PKHD1L1: variants seen among roughly 807,000 people sequenced by gnomAD.
PKHD1L1 encodes the protein PKHD1 like 1.
In PKHD1L1, 434 loss-of-function variants were observed where a neutral mutation model predicts 462.9. That is an observed-to-expected ratio of 0.94 (90% CI 0.87 to 1.02). PKHD1L1 has a LOEUF of 1.02. Ranked by LOEUF, PKHD1L1 falls within the 50% of genes least tolerant of loss-of-function variation. The pLI is 0.00. For missense variants in PKHD1L1, 5,202 were observed against 5,096.1 expected, an observed-to-expected ratio of 1.02 and a Z score of -0.63; for synonymous variants, 1,781 against 1,750.0, an observed-to-expected ratio of 1.02 and a Z score of -0.44.
rs963022726 is a variant in PKHD1L1 at position 109,442,302 on chromosome 8, C to G, written c.4393+107C>G. ...AGTATTTTTACATAAATAATATACA[C>G]AAATGCGTAAGGTATTTGGCATTTT... On this transcript the variant is annotated intron_variant, in intron 35 of 77. Transcript: ENST00000378402. 1.0e-5 allele frequency: 11 copies of G among 1,054,542 alleles called. No individual in the cohort carries two copies. In the African/African-American group the frequency reaches 1.6e-4, roughly 15 times the overall value. The allele number at this position is 1,054,542 out of a possible 1,614,324, so 65.3% of individuals were successfully genotyped here.
chr8:109,496,844 T>G, intron 63 of PKHD1L1, 75 bp from the exon 64 acceptor site: 1 of 1,447,538 alleles, frequency 6.9e-7, no homozygotes, highest in Non-Finnish European at 9.4e-7. Context: ...TTGTTAACTT[T>G]AACTGATACT....
chr8:109,526,654 G>T, intron 76 of PKHD1L1, 130 bp from the exon 77 acceptor site: 1 of 803,354 alleles, frequency 1.2e-6, no homozygotes, highest in South Asian at 1.9e-5. Context: ...TAATTTATTT[G>T]ACTCAACTTT....
intron 13 of PKHD1L1, among the ~76,000 whole-genome samples, chr8:109,401,139 A>G (rs755217351): frequency 9.2e-5 from 14 of 152,274 alleles, no homozygotes; most frequent in Non-Finnish European, 2.1e-4. Context: ...TAAATCTCTC[A>G]AAGTTCTCCA....
chr8:109,364,889 G>A (rs1371805927), intron 2 of PKHD1L1, among the ~76,000 whole-genome samples: 1 of 151,986 alleles, frequency 6.6e-6, no homozygotes, highest in Non-Finnish European at 1.5e-5. Flanking sequence ...TGAACTAAAA[G>A]GAATGCAATT....
At chr8:109,521,707 C>A (rs1045021373) in intron 73 of PKHD1L1, among the ~76,000 whole-genome samples, 2 of 152,048 alleles carry the variant, frequency 1.3e-5, no homozygotes, top group African/African-American at 4.8e-5. Context: ...GTCAAATGTC[C>A]AAAGCAAGTA....
rs181520404 is a variant in PKHD1L1, at chr8:109,464,546, C to A, written c.7714C>A (p.Arg2572=). 4,274 of 1,613,558 alleles carry A rather than the reference C, an allele frequency of 2.6e-3. 14 individuals are homozygous for A. The highest frequency in any genetic ancestry group is 7.8e-3 in the South Asian group (709 of 91,068). ...GGTCACCAACCCGAACAATACCATA[C>A]GACACAATGCTGTTGCTGGTGGCAC... is the stretch of plus-strand genomic sequence containing the variant. ...FWVTNPNNTI[R]HNAVAGGTHF... The change falls in exon 49 of 78, where the codon CGA becomes AGA. Residue 2572 remains arginine, a synonymous_variant. Coordinates refer to ENST00000378402, the MANE Select transcript of PKHD1L1 (RefSeq NM_177531.6).
At position 109,507,748 on chromosome 8, in the gene PKHD1L1, G is replaced by C; in HGVS notation, c.11080G>C (p.Gly3694Arg). The C allele has an allele frequency of 6.2e-7, 1 of 1,613,416 alleles. No homozygotes were observed. Among genetic ancestry groups the C allele is most frequent in the Non-Finnish European group, 8.5e-7 (1 of 1,179,660 alleles). ...FLRDIDGSFL[G>R]NAGSVIPQAE... ...TAGAGACATAGATGGCTCCTTTCTG[G>C]GGAATGCTGGTTCTGTGATACCTCA... The change falls in exon 69 of 78, where the codon GGG becomes CGG. Residue 3694 changes from glycine (G) to arginine (R), a missense_variant. Physicochemically the swap from Gly to Arg is moderately radical, Grantham distance 125. This residue lies in a region of PKHD1L1 where 698 missense variants were observed against 736.3 expected (regional missense o/e 0.95). Transcript: ENST00000378402.
At chr8:109,481,895 A>G (rs1818292803) in intron 56 of PKHD1L1, among the ~76,000 whole-genome samples, 1 of 151,794 alleles carries the variant, frequency 6.6e-6, no homozygotes, top group African/African-American at 2.4e-5. Flanking sequence ...TTCTTCATAC[A>G]GTTTTCTTTA....
In PKHD1L1 at chr8:109,508,161, G is replaced by T; in HGVS notation, c.11292G>T (p.Met3764Ile). ...PEWQSYQCFGMEYAMMVIESL... is the reference protein window; with the variant it reads ...PEWQSYQCFGIEYAMMVIESL... ...GGCAGAGCTATCAGTGCTTTGGGAT[G>T]GAATATGCAATGATGGTTATTGAAA... The change falls in exon 70 of 78, where the codon ATG (methionine) becomes ATT (isoleucine). Residue 3764 changes from methionine (M) to isoleucine (I), a missense_variant. Met to Ile is a conservative substitution (Grantham distance 10, BLOSUM62 1). This residue lies in a region of PKHD1L1 where 698 missense variants were observed against 736.3 expected (regional missense o/e 0.95). Coordinates refer to ENST00000378402, the MANE Select transcript of PKHD1L1 (RefSeq NM_177531.6). The T allele has an allele frequency of 6.2e-7, 1 of 1,613,006 alleles. No homozygotes were observed. Among genetic ancestry groups the T allele is most frequent in the Non-Finnish European group, 8.5e-7 (1 of 1,179,206 alleles).
chr8:109,369,493 T>C lies in PKHD1L1; in HGVS notation c.163+4857T>C, dbSNP rs12334436. On this transcript the variant is annotated intron_variant, in intron 2 of 77. Coordinates refer to ENST00000378402, the MANE Select transcript of PKHD1L1 (RefSeq NM_177531.6). ...CACATATGCTATATATATTTGACATTATAGTAACTCCTAAGCTGAAAATGA... is the reference window on the plus strand; with the variant it reads ...CACATATGCTATATATATTTGACATCATAGTAACTCCTAAGCTGAAAATGA... Among the ~76,000 whole-genome samples the C allele has an allele frequency of 7.5e-3, 1,139 of 152,260 alleles. 12 individuals carry two copies. Among genetic ancestry groups the C allele is most frequent in the African/African-American group, 0.026 (1,083 of 41,546 alleles).
chr8:109,409,152 A>T (rs1017784953), intron 18 of PKHD1L1, among the ~76,000 whole-genome samples: 1 of 152,172 alleles, frequency 6.6e-6, no homozygotes, highest in East Asian at 1.9e-4. Flanking sequence ...TGATATGGAA[A>T]TTTTAGGAGA....
chr8:109,425,248 T>G lies in PKHD1L1; in HGVS notation c.2845+16T>G. 6.4e-7 allele frequency: 1 copy of G among 1,559,720 alleles called. No homozygotes were observed. The highest frequency in any genetic ancestry group is 1.3e-5 in the South Asian group (1 of 79,518). On this transcript the variant is annotated intron_variant, in intron 24 of 77. Transcript: ENST00000378402. ...ATTCTTAAAGGTATATGAAAAAAAT[T>G]TAAAATATTGGTGTATACGCACACA...
chr8:109,448,477 T>A, intron 39 of PKHD1L1, 86 bp downstream of exon 39: 1 of 1,304,026 alleles, frequency 7.7e-7, no homozygotes, highest in Non-Finnish European at 1.0e-6. Context: ...AATATGTTAC[T>A]CAAACACATA....
chr8:109,522,950 T>G, intron 75 of PKHD1L1, 60 bp downstream of exon 75: 1 of 1,478,622 alleles, frequency 6.8e-7, no homozygotes, highest in Non-Finnish European at 9.0e-7. Context: ...TTCTGAAGGA[T>G]GAGCCAGTTT....
Position 109,362,503 on chromosome 8 carries a change from C to A in PKHD1L1, c.-78C>A, listed in dbSNP as rs1811028700. 3 of 1,390,638 alleles carry A rather than the reference C, an allele frequency of 2.2e-6. No homozygotes were observed. Among genetic ancestry groups the A allele is most frequent in the South Asian group, 1.2e-5 (1 of 80,576 alleles). 86.1% of individuals were successfully genotyped at this position (1,390,638 alleles called of 1,614,324 possible). On this transcript the variant is annotated 5_prime_UTR_variant, in exon 1 of 78. Coordinates refer to ENST00000378402, the MANE Select transcript of PKHD1L1 (RefSeq NM_177531.6). ...GGACGAAGCGGGCCCGCCAGCGAGTCGCAGTCCCAGGAGCCGAGCTCCAGC... is the reference window on the plus strand; with the variant it reads ...GGACGAAGCGGGCCCGCCAGCGAGTAGCAGTCCCAGGAGCCGAGCTCCAGC...
At chr8:109,529,420 TTTAA>T (rs1344816224) in intron 77 of PKHD1L1, among the ~76,000 whole-genome samples, 17 of 151,954 alleles carry the variant, frequency 1.1e-4, no homozygotes, top group African/African-American at 3.9e-4. Context: ...CAAGCATTTC[TTTAA>T]TTAATTTTAT....
At chr8:109,365,117 A>G (rs1811166500) in intron 2 of PKHD1L1, among the ~76,000 whole-genome samples, 2 of 152,204 alleles carry the variant, frequency 1.3e-5, no homozygotes, top group African/African-American at 4.8e-5. Context: ...AGGCATGAGT[A>G]CCGTACATGG....
chr8:109,440,945 C>G, intron 33 of PKHD1L1, 93 bp downstream of exon 33: 1 of 1,404,550 alleles, frequency 7.1e-7, no homozygotes, highest in East Asian at 2.3e-5. Context: ...TATTCTAAAT[C>G]ACAGCTTTAT....
At chr8:109,485,535 G>C (rs10107961) in intron 58 of PKHD1L1, among the ~76,000 whole-genome samples, 135 of 152,010 alleles carry the variant, frequency 8.9e-4, no homozygotes, top group Non-Finnish European at 1.5e-3. Flanking sequence ...AGTCTTTAGC[G>C]GTAAATGCAT....
Sources: gnomAD v4.1 joint callset for allele counts (sites outside exome capture counted in the v4.1 genomes callset) on GRCh38, gnomAD v4.1.1 for gene constraint, gnomAD v4.1.1 regional missense constraint, MANE v1.5 for transcripts, NCBI Gene and HGNC (gene_info 2026-07-23, HGNC 2026-07-21) for gene names.